The following ATXN2 variants were observed in gnomAD, a reference collection of about 807,000 sequenced individuals.
The protein encoded by ATXN2 is ataxin 2, also known as ataxin-2.
ATXN2 carries 37 observed loss-of-function variants against 138.6 expected under a neutral mutation model. That is an observed-to-expected ratio of 0.27 (90% CI 0.21 to 0.35). ATXN2 has a LOEUF of 0.35. Among genes scored for constraint, ATXN2 ranks in the 10% least tolerant of loss-of-function variants. The pLI is 1.00. For missense variants in ATXN2, 1,216 were observed against 1,480.3 expected, an observed-to-expected ratio of 0.82 and a Z score of 2.93; for synonymous variants, 549 against 543.7, an observed-to-expected ratio of 1.01 and a Z score of -0.13.
intron 20 of ATXN2, 117 bp downstream of exon 20, chr12:111,469,991 G>A: frequency 2.4e-6 from 3 of 1,233,564 alleles, no homozygotes; most frequent in Non-Finnish European, 3.3e-6. Context: ...TTTTCCTTCA[G>A]ATTCTTGACC....
At chr12:111,545,234 GA>G (rs2135776472) in intron 5 of ATXN2, among the ~76,000 whole-genome samples, 1 of 152,108 alleles carries the variant, frequency 6.6e-6, no homozygotes, top group South Asian at 2.1e-4. Context: ...ATGCTAAAGG[GA>G]AAGATTAACT....
At chr12:111,553,603 A>AT (rs1218364554) in intron 3 of ATXN2, among the ~76,000 whole-genome samples, 3 of 70,068 alleles carry the variant, frequency 4.3e-5, no homozygotes, top group Non-Finnish European at 6.4e-5. Context: ...AAAAAAAAAA[A>AT]ATTTTTTTTT....
intron 1 of ATXN2, among the ~76,000 whole-genome samples, chr12:111,562,343 G>A (rs1302955292): frequency 6.6e-6 from 1 of 152,052 alleles, no homozygotes; most frequent in Non-Finnish European, 1.5e-5. Context: ...GTTCACTTGA[G>A]CCCAGGAGTT....
At chr12:111,510,720 C>G in intron 11 of ATXN2, 138 bp from the exon 12 acceptor site, 2 of 733,672 alleles carry the variant, frequency 2.7e-6, no homozygotes, top group Non-Finnish European at 4.1e-6. Context: ...TTACTGTTTT[C>G]TTTTCCAAAA....
chr12:111,562,720 CAAAA>C (rs34625134), intron 1 of ATXN2, among the ~76,000 whole-genome samples: 251 of 55,992 alleles, frequency 4.5e-3, no homozygotes, highest in African/African-American at 0.013. Context: ...AACTCCATCT[CAAAA>C]AAAAAAAAAA....
In ATXN2 at chr12:111,516,064, A is replaced by G. The variant is rs1879839067; in HGVS notation, c.1375+90T>C. On this transcript the variant is annotated intron_variant, in intron 10 of 24. Coordinates refer to ENST00000673436, the MANE Select transcript of ATXN2 (RefSeq NM_001372574.1). This position sits in a 1 kb window ranked among gnomAD's most constrained non-coding sequence, Gnocchi z 5.0. ...AAACACAGAAATTATAGGTTATTAA[A>G]TAATGAAGAGGAAACTATTTTGTAA... is the stretch of plus-strand genomic sequence containing the variant. 34 of 1,223,098 alleles carry G rather than the reference A, an allele frequency of 2.8e-5. No individual in the cohort carries two copies. In the South Asian group the frequency reaches 5.2e-4, roughly 19 times the overall value. 75.8% of individuals were successfully genotyped at this position (1,223,098 alleles called of 1,614,324 possible). A position where few individuals can be genotyped will look rare whatever the true frequency, so the allele number is the denominator to read the frequency against.
At position 111,545,784 on chromosome 12, in the gene ATXN2, C is replaced by G. The variant is rs1881769476; in HGVS notation, c.571+6496G>C. On this transcript the variant is annotated intron_variant, in intron 5 of 24. Transcript: ENST00000673436. ...ACCAGCCTGTGCAATACAGGGAAAC[C>G]CCATCTCTACAAAAAATATAAATAT... 4.6e-5 allele frequency among the ~76,000 whole-genome samples: 7 copies of G among 151,840 alleles called. No homozygotes were observed. The South Asian group carries it at 1.5e-3, about 32-fold the overall frequency.
chr12:111,527,089 T>C (rs959195775), intron 5 of ATXN2, among the ~76,000 whole-genome samples: 6 of 152,230 alleles, frequency 3.9e-5, no homozygotes, highest in Admixed American at 3.3e-4. Flanking sequence ...CTGACCATAC[T>C]GCTGTCTGGC....
rs1232190967 is a variant in ATXN2 at position 111,598,273 on chromosome 12, C to T, written c.251+511G>A. 9.9e-7 allele frequency: 1 copy of T among 1,010,796 alleles called. No homozygotes were observed. The highest frequency in any genetic ancestry group is 1.2e-6 in the Non-Finnish European group (1 of 844,838). The allele number at this position is 1,010,796 out of a possible 1,614,324, so 62.6% of individuals were successfully genotyped here. ...TGATTCCGGAGGAGCCCGGTGCCTA[C>T]CCCTTTAACCGGCACGGGGGACGCG... On this transcript the variant is annotated intron_variant, in intron 1 of 24. Transcript: ENST00000673436. The surrounding 1 kb of genome is among the most constrained non-coding windows in gnomAD (Gnocchi z 4.5).
chr12:111,568,687 C>T (rs1341356547), intron 1 of ATXN2, among the ~76,000 whole-genome samples: 1 of 152,154 alleles, frequency 6.6e-6, no homozygotes, highest in African/African-American at 2.4e-5. Context: ...TCTCAAACTA[C>T]CCCCTCTACA....
chr12:111,492,590 G>A (rs1010071145), intron 14 of ATXN2, among the ~76,000 whole-genome samples: 1 of 152,072 alleles, frequency 6.6e-6, no homozygotes, highest in Non-Finnish European at 1.5e-5. Context: ...GCTGAGGCAG[G>A]AGAATTGCTT....
At chr12:111,455,455 C>G in intron 23 of ATXN2, 1 of 317,420 alleles carries the variant, frequency 3.2e-6, no homozygotes, top group Non-Finnish European at 6.1e-6. Flanking sequence ...ATGGGACCAC[C>G]TGGGTGCTTC....
chr12:111,592,884 A>C (rs1290509900), intron 1 of ATXN2, among the ~76,000 whole-genome samples: 1 of 151,664 alleles, frequency 6.6e-6, no homozygotes, highest in African/African-American at 2.4e-5. Flanking sequence ...TAAAAAAAAA[A>C]ATAGGGTTTT....
Position 111,526,338 on chromosome 12 carries a change from G to A in ATXN2, c.572-1022C>T, listed in dbSNP as rs1463209591. ...GCCACTGTGCTCCAGCCTGGCGACA[G>A]AGTGAGACCCTGTCTCAAAAAAAAA... On this transcript the variant is annotated intron_variant, in intron 5 of 24. Coordinates refer to ENST00000673436, the MANE Select transcript of ATXN2 (RefSeq NM_001372574.1). Among the ~76,000 whole-genome samples the A allele has an allele frequency of 2.0e-5, 3 of 151,074 alleles. No homozygotes were observed. The East Asian group carries it at 5.9e-4, about 30-fold the overall frequency.
At chr12:111,596,039 A>C (rs1222770127) in intron 1 of ATXN2, among the ~76,000 whole-genome samples, 2 of 152,180 alleles carry the variant, frequency 1.3e-5, no homozygotes, top group Non-Finnish European at 2.9e-5. Flanking sequence ...CCTCACTAAA[A>C]ATACAAAAAA....
At chr12:111,546,417 GC>G (rs1414680174) in intron 5 of ATXN2, among the ~76,000 whole-genome samples, 3 of 152,118 alleles carry the variant, frequency 2.0e-5, no homozygotes, top group Non-Finnish European at 4.4e-5. Flanking sequence ...CATCAAAACA[GC>G]CATAGACAAT....
intron 1 of ATXN2, among the ~76,000 whole-genome samples, chr12:111,583,482 A>G (rs113153530): frequency 1.8e-3 from 270 of 151,736 alleles, no homozygotes; most frequent in African/African-American, 6.1e-3. Flanking sequence ...AGAGTGAACC[A>G]TGGCCAGGCA....
intron 18 of ATXN2, 123 bp from the exon 19 acceptor site, chr12:111,470,865 ACCACTC>A: frequency 2.0e-6 from 2 of 981,506 alleles, no homozygotes; most frequent in Non-Finnish European, 3.1e-6. Flanking sequence ...GCCATCTCAT[ACCACTC>A]CCACTTCTGC....
intron 5 of ATXN2, among the ~76,000 whole-genome samples, chr12:111,535,807 C>T (rs532548270): frequency 8.6e-5 from 13 of 151,416 alleles, no homozygotes; most frequent in African/African-American, 2.7e-4. Context: ...GAGACCATCC[C>T]GGCTAAAACG....
Sources: gnomAD v4.1 joint callset for allele counts (sites outside exome capture counted in the v4.1 genomes callset) on GRCh38, gnomAD v4.1.1 for gene constraint, Gnocchi (gnomAD v3.1) non-coding constraint, MANE v1.5 for transcripts, NCBI Gene and HGNC (gene_info 2026-07-23, HGNC 2026-07-21) for gene names.